AMOT: variants seen among roughly 807,000 people sequenced by gnomAD.
AMOT encodes the protein angiomotin.
A neutral mutation model predicts 67.0 loss-of-function variants in AMOT; 11 were observed. The ratio of observed to expected loss-of-function variants is 0.16; its 90% CI spans 0.10 to 0.27. The LOEUF (loss-of-function observed/expected upper bound fraction) is 0.27, where lower values mean the gene tolerates loss of function less well. AMOT is among the 10% of genes least tolerant of loss of function. The pLI is 1.00. For missense variants in AMOT, 753 were observed against 852.0 expected, an observed-to-expected ratio of 0.88 and a Z score of 1.45; for synonymous variants, 326 against 321.4, an observed-to-expected ratio of 1.01 and a Z score of -0.15.
chrX:112,813,686 A>G (rs1934441840), intron 5 of AMOT, among the ~76,000 whole-genome samples: 1 of 111,619 alleles, frequency 9.0e-6, no homozygotes, highest in Admixed American at 9.6e-5. Context: ...GGCCCGTATT[A>G]GAGCTGGGTT....
intron 2 of AMOT, among the ~76,000 whole-genome samples, chrX:112,829,125 C>A (rs1002616080): frequency 1.3e-4 from 15 of 111,703 alleles, no homozygotes; most frequent in African/African-American, 4.9e-4. Context: ...AACTCTAGCA[C>A]TAGTTCAAGA....
At chrX:112,824,304 A>T (rs1454342531) in intron 3 of AMOT, among the ~76,000 whole-genome samples, 1 of 111,777 alleles carries the variant, frequency 8.9e-6, no homozygotes, top group Non-Finnish European at 1.9e-5. Flanking sequence ...CAATAATGAA[A>T]CTTTCACTCT....
chrX:112,821,752 T>C (rs1286871135), intron 4 of AMOT, among the ~76,000 whole-genome samples: 1 of 112,226 alleles, frequency 8.9e-6, no homozygotes, highest in East Asian at 2.8e-4. Context: ...TCTGGGTGTT[T>C]GTTTAGTCCA....
Position 112,827,533 on chromosome X carries a change from T to A in AMOT, c.-211-2313A>T, listed in dbSNP as rs758428499. 5.3e-5 allele frequency among the ~76,000 whole-genome samples: 6 copies of A among 112,242 alleles called. No homozygotes were observed. The South Asian group carries it at 1.9e-3, about 35-fold the overall frequency. On this transcript the variant is annotated intron_variant, in intron 2 of 13. Transcript: ENST00000371959. ...ATCAATAAAATAACCTTGTTTGTCC[T>A]GGGCACACAGACTGTCTCTGAGAAT...
At chrX:112,828,678 T>C (rs1934906524) in intron 2 of AMOT, among the ~76,000 whole-genome samples, 1 of 111,197 alleles carries the variant, frequency 9.0e-6, no homozygotes, top group Non-Finnish European at 1.9e-5. Context: ...TCTTCTTGTA[T>C]AGATGAAGAT....
chrX:112,802,443 T>C (rs1453302797), intron 8 of AMOT, among the ~76,000 whole-genome samples: 1 of 112,533 alleles, frequency 8.9e-6, no homozygotes, highest in East Asian at 2.8e-4. Context: ...GTTGATTTTC[T>C]CTGAGATGTG....
At chrX:112,782,482 C>T in intron 11 of AMOT, 58 bp downstream of exon 11, 1 of 1,198,768 alleles carries the variant, frequency 8.3e-7, no homozygotes, top group East Asian at 3.0e-5. Context: ...GAATAAAGAT[C>T]CTATGTGGTC....
At chrX:112,829,757 G>A (rs1934940671) in intron 2 of AMOT, among the ~76,000 whole-genome samples, 1 of 111,777 alleles carries the variant, frequency 8.9e-6, no homozygotes, top group Non-Finnish European at 1.9e-5. Flanking sequence ...GCTTTGCTCT[G>A]AAGCAATTAC....
At chrX:112,811,140 C>T (rs1320882286) in intron 6 of AMOT, 109 bp downstream of exon 6, 11 of 1,032,826 alleles carry the variant, frequency 1.1e-5, no homozygotes, top group African/African-American at 3.8e-5. Context: ...CTGCCCATAC[C>T]GGTGGGTTGG....
In AMOT at chrX:112,809,995, T is replaced by C; in HGVS notation, c.1538-9A>G. 1 of 1,195,559 alleles carries C rather than the reference T, an allele frequency of 8.4e-7. No individual in the cohort carries two copies. ...GGCAGTCTCTAGACGCTCTGTGAAA[T>C]TTGGAGACAATCAACAGGGTCTCAA... On this transcript the variant is annotated splice_polypyrimidine_tract_variant and intron_variant, in intron 6 of 13. Transcript: ENST00000371959.
chrX:112,823,876 C>T (rs1317122487), intron 3 of AMOT, among the ~76,000 whole-genome samples: 4 of 112,125 alleles, frequency 3.6e-5, no homozygotes, highest in Non-Finnish European at 5.6e-5. Context: ...TCTCCAGAAA[C>T]AGTCATTTAG....
Position 112,829,231 on chromosome X carries a change from T to C in AMOT, c.-212+3063A>G, listed in dbSNP as rs921121575. The stretch of plus-strand genomic sequence containing the variant: ...TGTGTGTCCCTGCCCAAATCTCATG[T>C]TGAATTGTGAGGTTTGGTGGGAGGT... On this transcript the variant is annotated intron_variant, in intron 2 of 13. Coordinates refer to ENST00000371959, the MANE Select transcript of AMOT (RefSeq NM_001113490.2). Among the ~76,000 whole-genome samples, 3 of 111,747 alleles carry C rather than the reference T, an allele frequency of 2.7e-5. No individual in the cohort carries two copies. In the Admixed American group the frequency reaches 2.8e-4, roughly 11 times the overall value.
intron 1 of AMOT, among the ~76,000 whole-genome samples, chrX:112,834,251 C>T (rs1302428984): frequency 9.0e-6 from 1 of 111,530 alleles, no homozygotes; most frequent in Non-Finnish European, 1.9e-5. Flanking sequence ...TGAGTCCAGG[C>T]CTCTCGGATA....
Position 112,779,060 on chromosome X carries a change from C to T in AMOT, c.3094G>A (p.Ala1032Thr), listed in dbSNP as rs1231568231. The T allele has an allele frequency of 9.9e-6, 12 of 1,207,869 alleles. No homozygotes were observed. The highest frequency in any genetic ancestry group is 3.5e-5 in the African/African-American group (2 of 56,985). The change falls in exon 13 of 14, where the codon GCT becomes ACT. Residue 1032 changes from alanine to threonine, a missense_variant. Around this residue, in one of 5 missense-constraint regions of AMOT, gnomAD observed 269 missense variants for 300.9 expected, o/e 0.89. Coordinates refer to ENST00000371959, the MANE Select transcript of AMOT (RefSeq NM_001113490.2). Reference protein sequence around the residue: ...VAQAEVPASPATGPGPHRLSI... With the variant: ...VAQAEVPASPTTGPGPHRLSI... ...AAACGATGTGGTCCAGGACCGGTAG[C>T]TGGACTTGCAGGAACCTCAGCCTGA... is the stretch of plus-strand genomic sequence containing the variant.
At chrX:112,813,802 G>A (rs959702372) in intron 5 of AMOT, among the ~76,000 whole-genome samples, 19 of 111,857 alleles carry the variant, frequency 1.7e-4, no homozygotes, top group African/African-American at 5.5e-4. Context: ...GGTTTCTAGT[G>A]TATGGATATA....
chrX:112,794,123 T>G (rs143480940), intron 8 of AMOT, among the ~76,000 whole-genome samples: 1 of 112,275 alleles, frequency 8.9e-6, no homozygotes, highest in African/African-American at 3.2e-5. Flanking sequence ...TTAGATAGCA[T>G]GCAGTTCTTG....
intron 4 of AMOT, among the ~76,000 whole-genome samples, chrX:112,821,860 T>C (rs924806182): frequency 6.2e-5 from 7 of 112,349 alleles, no homozygotes; most frequent in Admixed American, 1.9e-4. Context: ...GAGGGGAATA[T>C]GTGCAAGTGA....
intron 9 of AMOT, 63 bp from the exon 10 acceptor site, chrX:112,790,845 C>T: frequency 9.9e-7 from 1 of 1,014,776 alleles, no homozygotes; most frequent in African/African-American, 1.9e-5. Flanking sequence ...GTCTGAGCCC[C>T]TATTCTTGGA....
intron 4 of AMOT, among the ~76,000 whole-genome samples, chrX:112,817,895 T>C (rs1358774472): frequency 1.8e-5 from 2 of 111,783 alleles, no homozygotes; most frequent in Non-Finnish European, 3.8e-5. Context: ...CTATTTTCCA[T>C]TCTATGGATC....
Sources: gnomAD v4.1 joint callset for allele counts (sites outside exome capture counted in the v4.1 genomes callset) on GRCh38, gnomAD v4.1.1 for gene constraint, gnomAD v4.1.1 regional missense constraint, MANE v1.5 for transcripts, NCBI Gene and HGNC (gene_info 2026-07-23, HGNC 2026-07-21) for gene names.